The following COL28A1 variants were observed in gnomAD, a reference collection of about 807,000 sequenced individuals.
The protein encoded by COL28A1 is collagen alpha-1(XXVIII) chain.
COL28A1 carries 161 observed loss-of-function variants against 150.2 expected under a neutral mutation model. The observed-to-expected ratio is 1.07, with a 90% confidence interval of 0.94 to 1.22. COL28A1 has a LOEUF of 1.22. Among genes scored for constraint, COL28A1 ranks in the 50% most tolerant of loss-of-function variants. COL28A1 has a pLI of 0.00. For missense variants in COL28A1, 1,617 were observed against 1,388.3 expected (o/e 1.16, Z -2.62); for synonymous variants, 552 against 469.7 (o/e 1.18, Z -2.26).
intron 27 of COL28A1, among the ~76,000 whole-genome samples, chr7:7,408,884 T>A (rs1783632395): frequency 6.6e-6 from 1 of 152,302 alleles, no homozygotes; most frequent in African/African-American, 2.4e-5. Flanking sequence ...ACTTTGTTTT[T>A]AAGAACTCAA....
intron 27 of COL28A1, among the ~76,000 whole-genome samples, chr7:7,385,074 A>G (rs1782101062): frequency 6.6e-6 from 1 of 152,260 alleles, no homozygotes; most frequent in Admixed American, 6.5e-5. Context: ...GCAGGACTGC[A>G]GGCAGCTACC....
intron 27 of COL28A1, among the ~76,000 whole-genome samples, chr7:7,411,465 C>T (rs1783788705): frequency 6.6e-6 from 1 of 152,162 alleles, no homozygotes; most frequent in African/African-American, 2.4e-5. Context: ...GGACTCCAAA[C>T]CTTCCCTTAT....
At chr7:7,409,129 C>G (rs1415503254) in intron 27 of COL28A1, among the ~76,000 whole-genome samples, 1 of 152,050 alleles carries the variant, frequency 6.6e-6, no homozygotes, top group Non-Finnish European at 1.5e-5. Context: ...GCCCAAAGCT[C>G]TAAGTACTAA....
intron 30 of COL28A1, among the ~76,000 whole-genome samples, chr7:7,377,241 A>T (rs1359070466): frequency 6.6e-6 from 1 of 151,996 alleles, no homozygotes; most frequent in Non-Finnish European, 1.5e-5. Context: ...ATATATGTAA[A>T]TTTTTTCTTC....
At chr7:7,403,990 C>T (rs1783360962) in intron 27 of COL28A1, among the ~76,000 whole-genome samples, 1 of 152,136 alleles carries the variant, frequency 6.6e-6, no homozygotes, top group South Asian at 2.1e-4. Flanking sequence ...TGGTTGCCTG[C>T]AATAGCTTTC....
At position 7,358,556 on chromosome 7, in the gene COL28A1, T is replaced by C. The variant is rs577374728; in HGVS notation, c.*77A>G. 1.6e-6 allele frequency: 2 copies of C among 1,274,240 alleles called. No homozygotes were observed. The highest frequency in any genetic ancestry group is 1.3e-5 in the South Asian group (1 of 75,438). 78.9% of individuals were successfully genotyped at this position (1,274,240 alleles called of 1,614,324 possible). ...ATACTCAGTATACACTCAAATATAGTGCTGTATTTGTATTGGGTGAATATG... is the reference window on the plus strand; with the variant it reads ...ATACTCAGTATACACTCAAATATAGCGCTGTATTTGTATTGGGTGAATATG... On this transcript the variant is annotated 3_prime_UTR_variant, in exon 35 of 35. Coordinates refer to ENST00000399429, the MANE Select transcript of COL28A1 (RefSeq NM_001037763.3).
intron 18 of COL28A1, among the ~76,000 whole-genome samples, chr7:7,451,842 C>T (rs1402123108): frequency 1.3e-5 from 2 of 152,086 alleles, no homozygotes; most frequent in East Asian, 1.9e-4. Context: ...CATGTATATT[C>T]TTCTTAGACC....
intron 20 of COL28A1, among the ~76,000 whole-genome samples, chr7:7,442,194 G>C (rs1785850938): frequency 6.6e-6 from 1 of 152,112 alleles, no homozygotes; most frequent in Admixed American, 6.5e-5. Flanking sequence ...CATTCTTCTT[G>C]CCTTATTGGT....
chr7:7,350,730 G>A, the COL28A1 span, among the ~76,000 whole-genome samples: 2 of 142,236 alleles, frequency 1.4e-5, no homozygotes, highest in African/African-American at 5.2e-5. Context: ...ATCAGTTTGA[G>A]AAAAATCCCA....
intron 23 of COL28A1, among the ~76,000 whole-genome samples, chr7:7,435,605 C>T (rs893056733): frequency 2.6e-5 from 4 of 152,056 alleles, no homozygotes; most frequent in Non-Finnish European, 2.9e-5. Context: ...AGAACCACTC[C>T]AATTTATGTC....
chr7:7,435,073 T>C (rs1469866386), intron 23 of COL28A1, among the ~76,000 whole-genome samples: 2 of 151,646 alleles, frequency 1.3e-5, no homozygotes, highest in African/African-American at 2.4e-5. Context: ...TCCAGGGGAG[T>C]AGCAAAATGA....
In COL28A1 at chr7:7,419,609, C is replaced by T. The variant is rs187119831; in HGVS notation, c.2067+276G>A. ...AAAGTAAAGATGTGCTTCTTGATGACGGCACAGCCTCTAAGAAACCCAGAA... is the reference window on the plus strand; with the variant it reads ...AAAGTAAAGATGTGCTTCTTGATGATGGCACAGCCTCTAAGAAACCCAGAA... On this transcript the variant is annotated intron_variant, in intron 26 of 34. Transcript: ENST00000399429. Among the ~76,000 whole-genome samples the T allele has an allele frequency of 2.8e-3, 421 of 152,256 alleles. 1 individual carries two copies. Among genetic ancestry groups the T allele is most frequent in the African/African-American group, 9.4e-3 (390 of 41,544 alleles).
chr7:7,407,060 G>C (rs1364467833), intron 27 of COL28A1, among the ~76,000 whole-genome samples: 1 of 151,878 alleles, frequency 6.6e-6, no homozygotes, highest in East Asian at 1.9e-4. Context: ...CTGGTTAAAT[G>C]ACAGATTTGA....
At chr7:7,463,413 G>A (rs1787800489) in intron 15 of COL28A1, among the ~76,000 whole-genome samples, 1 of 152,104 alleles carries the variant, frequency 6.6e-6, no homozygotes, top group South Asian at 2.1e-4. Flanking sequence ...ATGAACTGTT[G>A]AAATCTTTCC....
intron 15 of COL28A1, among the ~76,000 whole-genome samples, chr7:7,464,718 G>A (rs919325430): frequency 1.3e-5 from 2 of 152,170 alleles, no homozygotes; most frequent in African/African-American, 4.8e-5. Flanking sequence ...GTCTGAAAGA[G>A]CACAAACAAA....
At chr7:7,408,930 T>C (rs1194028824) in intron 27 of COL28A1, among the ~76,000 whole-genome samples, 3 of 152,152 alleles carry the variant, frequency 2.0e-5, no homozygotes, top group Non-Finnish European at 4.4e-5. Context: ...TTTATTCTGA[T>C]TTGATTACTC....
intron 25 of COL28A1, among the ~76,000 whole-genome samples, chr7:7,432,046 C>T (rs1030536605): frequency 2.0e-5 from 3 of 152,018 alleles, no homozygotes; most frequent in Non-Finnish European, 2.9e-5. Flanking sequence ...TTGTGAGAAG[C>T]CCAAGAGGGG....
intron 27 of COL28A1, among the ~76,000 whole-genome samples, chr7:7,396,591 C>T (rs1782848941): frequency 6.6e-6 from 1 of 152,144 alleles, no homozygotes; most frequent in Non-Finnish European, 1.5e-5. Flanking sequence ...ACTAAGACGG[C>T]CTAATGCTTG....
intron 26 of COL28A1, among the ~76,000 whole-genome samples, chr7:7,418,480 T>C (rs1784224265): frequency 6.6e-6 from 1 of 152,206 alleles, no homozygotes; most frequent in South Asian, 2.1e-4. Context: ...CACTTCGTGG[T>C]GGAATAAGAT....
Sources: gnomAD v4.1 joint callset for allele counts (sites outside exome capture counted in the v4.1 genomes callset) on GRCh38, gnomAD v4.1.1 for gene constraint, MANE v1.5 for transcripts, NCBI Gene and HGNC (gene_info 2026-07-23, HGNC 2026-07-21) for gene names.